Variants in CHMP3 observed in about 807,000 individuals in gnomAD.
The protein encoded by CHMP3 is 25.1 protein.
A neutral mutation model predicts 27.4 loss-of-function variants in CHMP3; 8 were observed. The observed-to-expected ratio is 0.29, with a 90% confidence interval of 0.17 to 0.53. CHMP3 has a LOEUF of 0.53. CHMP3 is among the 20% of genes least tolerant of loss of function. The probability of loss-of-function intolerance (pLI) is 0.96; values close to 1 mark genes in which losing one functional copy is unlikely to be tolerated. For synonymous variants in CHMP3, 86 were observed against 85.5 expected (o/e 1.01, Z -0.03); for missense variants, 208 against 271.5 (o/e 0.77, Z 1.64).
chr2:86,536,640 T>C (rs1342206283), intron 2 of CHMP3, among the ~76,000 whole-genome samples: 1 of 152,242 alleles, frequency 6.6e-6, no homozygotes, highest in African/African-American at 2.4e-5. Context: ...TCACTGTCTA[T>C]GGCTTTCTAC....
Position 86,510,393 on chromosome 2 carries a change from C to G in CHMP3, c.373G>C (p.Ala125Pro). ...QSLVKIPEIQATMRELSKEMM... is the reference protein window; with the variant it reads ...QSLVKIPEIQPTMRELSKEMM... ...TCTTTGGACAACTCCCTCATGGTGG[C>G]CTGAATCTCTGGAATCTTCACAAGA... The change falls in exon 4 of 6, where the codon GCC (alanine) becomes CCC (proline). Residue 125 changes from alanine to proline, a missense_variant. By Grantham distance (27) the Ala-to-Pro change is conservative. Around this residue, in one of 3 missense-constraint regions of CHMP3, gnomAD observed 94 missense variants for 159.6 expected, o/e 0.59. Transcript: ENST00000263856. 6.2e-7 allele frequency: 1 copy of G among 1,612,748 alleles called. No homozygotes were observed. Among genetic ancestry groups the G allele is most frequent in the Non-Finnish European group, 8.5e-7 (1 of 1,179,228 alleles).
At chr2:86,551,608 C>T (rs1383929195) in intron 1 of CHMP3, among the ~76,000 whole-genome samples, 1 of 152,180 alleles carries the variant, frequency 6.6e-6, no homozygotes, top group African/African-American at 2.4e-5. Flanking sequence ...AAAAACTCTA[C>T]TCAAATTCTA....
At chr2:86,529,848 G>C (rs944279524) in intron 2 of CHMP3, among the ~76,000 whole-genome samples, 1 of 152,086 alleles carries the variant, frequency 6.6e-6, no homozygotes, top group Admixed American at 6.5e-5. Flanking sequence ...TATGCTTTAT[G>C]ATCAGTAGTG....
intron 3 of CHMP3, among the ~76,000 whole-genome samples, chr2:86,512,796 A>C (rs1675154637): frequency 6.6e-6 from 1 of 152,242 alleles, no homozygotes; most frequent in Non-Finnish European, 1.5e-5. Context: ...ATCTTATGTC[A>C]TTTGGGGACT....
At chr2:86,510,529 A>G in intron 3 of CHMP3, 50 bp from the exon 4 acceptor site, 2 of 1,589,690 alleles carry the variant, frequency 1.3e-6, no homozygotes, top group Non-Finnish European at 1.7e-6. Flanking sequence ...TGGAATAGAG[A>G]GAGACAGCCA....
At chr2:86,560,652 T>C (rs1169291305) in intron 1 of CHMP3, among the ~76,000 whole-genome samples, 1 of 151,426 alleles carries the variant, frequency 6.6e-6, no homozygotes, top group Non-Finnish European at 1.5e-5. Context: ...CACGTGTATA[T>C]ATGTAACAAA....
At chr2:86,506,884 C>T (rs1674908236) in intron 5 of CHMP3, among the ~76,000 whole-genome samples, 1 of 152,150 alleles carries the variant, frequency 6.6e-6, no homozygotes, top group Non-Finnish European at 1.5e-5. Context: ...GTTGGGATTA[C>T]AGGCATAAGC....
chr2:86,543,551 T>G (rs1421338026), intron 1 of CHMP3, among the ~76,000 whole-genome samples: 6 of 152,266 alleles, frequency 3.9e-5, no homozygotes, highest in African/African-American at 1.4e-4. Context: ...AAACTTGGAC[T>G]GGCATCACTC....
rs537611196 is a variant in CHMP3 at position 86,552,113 on chromosome 2, G to A, written c.46-9801C>T. ...GCTAAAAGCAGATAGGAACTGGCTT[G>A]AAATAGCTCCCACTGACCAAATGTA... On this transcript the variant is annotated intron_variant, in intron 1 of 5. Coordinates refer to ENST00000263856, the MANE Select transcript of CHMP3 (RefSeq NM_016079.4). Among the ~76,000 whole-genome samples, 5 of 152,302 alleles carry A rather than the reference G, an allele frequency of 3.3e-5. No individual in the cohort carries two copies. In the East Asian group the frequency reaches 9.6e-4, roughly 29 times the overall value.
At chr2:86,560,493 A>C (rs996064913) in intron 1 of CHMP3, among the ~76,000 whole-genome samples, 2 of 151,746 alleles carry the variant, frequency 1.3e-5, no homozygotes, top group Non-Finnish European at 2.9e-5. Context: ...CTCACTCATA[A>C]GTGGGAATTG....
intron 1 of CHMP3, among the ~76,000 whole-genome samples, chr2:86,553,930 C>T (rs1406004028): frequency 6.6e-6 from 1 of 152,182 alleles, no homozygotes; most frequent in African/African-American, 2.4e-5. Flanking sequence ...TTTCACTGTA[C>T]GATCTGCTGT....
At position 86,542,144 on chromosome 2, in the gene CHMP3, T is replaced by C. The variant is rs559177011; in HGVS notation, c.106+108A>G. 4.4e-5 allele frequency: 51 copies of C among 1,146,228 alleles called. No individual in the cohort carries two copies. The African/African-American group carries it at 6.8e-4, about 15-fold the overall frequency. The allele number at this position is 1,146,228 out of a possible 1,614,324, so 71.0% of individuals were successfully genotyped here. On this transcript the variant is annotated intron_variant, in intron 2 of 5. Transcript: ENST00000263856. The stretch of plus-strand genomic sequence containing the variant: ...CAGTCAGACAGCTATAAATAACTGA[T>C]ATAGGAATAAACTATGTCTTATGAT...
In CHMP3 at chr2:86,529,258, T is replaced by C. The variant is rs11548929; in HGVS notation, c.246A>G (p.Ala82=). ...TCCCCATGAGCACTGAGTTCATGTG[T>C]GCTTTGGATGCATACAGCTTGCTCA... ...KAVSKLYASK[A]HMNSVLMGMK... is the part of the protein sequence containing the mutation. Residue 82 remains alanine (A), a synonymous_variant, in exon 3 of 6, where the codon GCA becomes GCG. Coordinates refer to ENST00000263856, the MANE Select transcript of CHMP3 (RefSeq NM_016079.4). The C allele has an allele frequency of 1.0e-4, 169 of 1,612,056 alleles. No homozygotes were observed. Among genetic ancestry groups the C allele is most frequent in the Non-Finnish European group, 1.4e-4 (163 of 1,179,292 alleles).
Position 86,563,376 on chromosome 2 carries a change from C to T in CHMP3, c.-28G>A. 1.9e-6 allele frequency: 3 copies of T among 1,612,208 alleles called. No homozygotes were observed. Among genetic ancestry groups the T allele is most frequent in the South Asian group, 1.1e-5 (1 of 91,000 alleles). On this transcript the variant is annotated 5_prime_UTR_variant, in exon 1 of 6. Transcript: ENST00000263856. ...CGAACTGAACCCGTCTTGCCCCTTC[C>T]GGCTTTCAGTTCCCCGCGCCCAGGC... is the stretch of plus-strand genomic sequence containing the variant.
intron 1 of CHMP3, among the ~76,000 whole-genome samples, chr2:86,555,934 G>A (rs1677103886): frequency 6.6e-6 from 1 of 152,128 alleles, no homozygotes; most frequent in Non-Finnish European, 1.5e-5. Context: ...ATCTCTTTGG[G>A]GGTGGGGAGC....
chr2:86,505,578 C>A lies in CHMP3; in HGVS notation c.*226G>T. ...GAGCAGATGGATTTCTTTCCCCTCC[C>A]CACAATAAGATATATCTGTCTATAC... On this transcript the variant is annotated 3_prime_UTR_variant, in exon 6 of 6. Coordinates refer to ENST00000263856, the MANE Select transcript of CHMP3 (RefSeq NM_016079.4). The A allele has an allele frequency of 4.4e-6, 2 of 457,732 alleles. No homozygotes were observed. Among genetic ancestry groups the A allele is most frequent in the Non-Finnish European group, 7.0e-6 (2 of 284,284 alleles). 28.4% of individuals were successfully genotyped at this position (457,732 alleles called of 1,614,324 possible). A position where few individuals can be genotyped will look rare whatever the true frequency, so the allele number is the denominator to read the frequency against.
chr2:86,529,067 A>G (rs1675816249), intron 3 of CHMP3, 151 bp downstream of exon 3: 1 of 751,498 alleles, frequency 1.3e-6, no homozygotes. Context: ...AACAAACAAC[A>G]TTATTATATT....
chr2:86,529,687 C>G (rs1266268902), intron 2 of CHMP3, among the ~76,000 whole-genome samples: 1 of 152,226 alleles, frequency 6.6e-6, no homozygotes, highest in East Asian at 1.9e-4. Context: ...AGAGCTTGCT[C>G]CAATAATCAA....
At chr2:86,524,854 A>G (rs755725228) in intron 3 of CHMP3, among the ~76,000 whole-genome samples, 5 of 152,238 alleles carry the variant, frequency 3.3e-5, no homozygotes, top group Non-Finnish European at 5.9e-5. Flanking sequence ...TAATATTTCC[A>G]TAATAAGAAG....
Sources: gnomAD v4.1 joint callset for allele counts (sites outside exome capture counted in the v4.1 genomes callset) on GRCh38, gnomAD v4.1.1 for gene constraint, gnomAD v4.1.1 regional missense constraint, MANE v1.5 for transcripts, NCBI Gene and HGNC (gene_info 2026-07-23, HGNC 2026-07-21) for gene names.